SLC2A13: variants seen among roughly 807,000 people sequenced by gnomAD.
SLC2A13 encodes the protein proton myo-inositol cotransporter.
Under a neutral mutation model 64.4 loss-of-function variants are expected in SLC2A13, and 32 were observed. That is an observed-to-expected ratio of 0.50 (90% CI 0.37 to 0.67). The LOEUF is 0.67. Among genes scored for constraint, SLC2A13 ranks in the 30% least tolerant of loss-of-function variants. SLC2A13 has a pLI of 0.00. For synonymous variants in SLC2A13, 338 were observed against 327.1 expected (o/e 1.03, Z -0.36); for missense variants, 743 against 829.2 (o/e 0.90, Z 1.28).
intron 8 of SLC2A13, 25 bp downstream of exon 8, chr12:39,764,712 A>G: frequency 6.2e-7 from 1 of 1,606,474 alleles, no homozygotes; most frequent in Non-Finnish European, 8.5e-7. Context: ...AATTAATGCA[A>G]CAGTATAACA....
At chr12:40,010,371 C>T (rs1947507264) in intron 3 of SLC2A13, among the ~76,000 whole-genome samples, 1 of 152,100 alleles carries the variant, frequency 6.6e-6, no homozygotes, top group Non-Finnish European at 1.5e-5. Context: ...GCTGAGGTTA[C>T]ATTTATAAAT....
chr12:39,923,123 T>C (rs1187045068), intron 4 of SLC2A13, among the ~76,000 whole-genome samples: 2 of 152,180 alleles, frequency 1.3e-5, no homozygotes, highest in Non-Finnish European at 2.9e-5. Flanking sequence ...GATAAGCTAG[T>C]CTTATCACTG....
chr12:39,936,932 T>C (rs1205453605), intron 4 of SLC2A13, among the ~76,000 whole-genome samples: 3 of 152,176 alleles, frequency 2.0e-5, no homozygotes, highest in African/African-American at 7.2e-5. Flanking sequence ...TAGGTCTTCT[T>C]TAACATGTAG....
Position 40,105,302 on chromosome 12 carries a change from G to A in SLC2A13, c.507C>T (p.Asn169=). 1 of 1,602,238 alleles carries A rather than the reference G, an allele frequency of 6.2e-7. No homozygotes were observed. The highest frequency in any genetic ancestry group is 8.5e-7 in the Non-Finnish European group (1 of 1,176,162). Residue 169 remains asparagine, a synonymous_variant, in exon 1 of 10, where the codon AAC becomes AAT. Transcript: ENST00000280871. This position sits in a 1 kb window ranked among gnomAD's most constrained non-coding sequence, Gnocchi z 4.2. The part of the protein sequence containing the change: ...TAGSAVLAAA[N]NKETLLAGRL... ...GGCCGGCGAGCAGTGTCTCCTTGTT[G>A]TTGGCCGCAGCCAGCACCGCGGAGC... is the stretch of plus-strand genomic sequence containing the variant.
intron 6 of SLC2A13, 55 bp from the exon 7 acceptor site, chr12:39,830,283 T>C (rs1942815395): frequency 6.3e-7 from 1 of 1,577,310 alleles, no homozygotes; most frequent in Admixed American, 1.8e-5. Flanking sequence ...GTGCTCACCA[T>C]ATACTGGATT....
chr12:40,019,490 T>C (rs961842756), intron 3 of SLC2A13, among the ~76,000 whole-genome samples: 5 of 152,156 alleles, frequency 3.3e-5, no homozygotes, highest in Non-Finnish European at 4.4e-5. Context: ...CTCCTTCACT[T>C]CCTAGCTGTT....
At chr12:39,978,752 G>A (rs574629548) in intron 3 of SLC2A13, among the ~76,000 whole-genome samples, 3 of 152,132 alleles carry the variant, frequency 2.0e-5, no homozygotes, top group Admixed American at 6.5e-5. Context: ...GGGGAGAGGC[G>A]CCCGCCATTG....
At chr12:39,996,481 C>T (rs1420448705) in intron 3 of SLC2A13, among the ~76,000 whole-genome samples, 1 of 152,198 alleles carries the variant, frequency 6.6e-6, no homozygotes, top group African/African-American at 2.4e-5. Flanking sequence ...AATGTTAATC[C>T]CCAAGACAAT....
chr12:39,784,105 C>G (rs1475712822), intron 7 of SLC2A13, among the ~76,000 whole-genome samples: 1 of 152,166 alleles, frequency 6.6e-6, no homozygotes, highest in Non-Finnish European at 1.5e-5. Context: ...ACATTCCATG[C>G]TCATGGATAG....
rs1444936495 is a variant in SLC2A13 at position 39,764,464 on chromosome 12, G to A, written c.1716C>T (p.Tyr572=). Residue 572 remains tyrosine (Y), a synonymous_variant, in exon 9 of 10, where the codon TAC becomes TAT. Transcript: ENST00000280871. The part of the protein sequence containing the change: ...TFLHTAEYLT[Y]YGAFFLYAGF... ...TTAGAAAAAATATTATCTTACCATA[G>A]TATGTAAGATACTCTGCTGTGTGTA... 10 of 1,572,314 alleles carry A rather than the reference G, an allele frequency of 6.4e-6. No homozygotes were observed. The highest frequency in any genetic ancestry group is 8.6e-6 in the Non-Finnish European group (10 of 1,166,070).
At chr12:40,027,137 G>C (rs545304283) in intron 3 of SLC2A13, among the ~76,000 whole-genome samples, 1 of 151,768 alleles carries the variant, frequency 6.6e-6, no homozygotes, top group South Asian at 2.1e-4. Context: ...AATTTAGACA[G>C]GAGCATAAAA....
chr12:40,014,494 T>C (rs981074810), intron 3 of SLC2A13, among the ~76,000 whole-genome samples: 3 of 152,270 alleles, frequency 2.0e-5, no homozygotes, highest in Admixed American at 2.0e-4. Context: ...ATATTCATTT[T>C]TTTTTCTTTT....
chr12:39,891,640 G>C (rs1944611633), intron 4 of SLC2A13, among the ~76,000 whole-genome samples: 1 of 152,108 alleles, frequency 6.6e-6, no homozygotes, highest in Non-Finnish European at 1.5e-5. Context: ...TATTACTGCT[G>C]ACAATCCTTA....
intron 7 of SLC2A13, among the ~76,000 whole-genome samples, chr12:39,766,618 T>C (rs1196057642): frequency 6.6e-6 from 1 of 152,024 alleles, no homozygotes; most frequent in East Asian, 1.9e-4. Context: ...GTAGCATGCA[T>C]TTTACCCAGA....
At chr12:39,791,090 G>A (rs1941385599) in intron 7 of SLC2A13, among the ~76,000 whole-genome samples, 1 of 148,588 alleles carries the variant, frequency 6.7e-6, no homozygotes, top group Admixed American at 6.8e-5. Context: ...TTGTAAATTT[G>A]TTTGAGTTCA....
intron 4 of SLC2A13, among the ~76,000 whole-genome samples, chr12:39,875,425 A>T (rs1944157835): frequency 6.6e-6 from 1 of 152,194 alleles, no homozygotes; most frequent in Non-Finnish European, 1.5e-5. Flanking sequence ...AATCTCCCTA[A>T]TTAAGGTAAA....
chr12:39,806,226 A>T (rs945900011), intron 7 of SLC2A13, among the ~76,000 whole-genome samples: 9 of 152,178 alleles, frequency 5.9e-5, no homozygotes, highest in Non-Finnish European at 1.3e-4. Flanking sequence ...CTTGCCTGGA[A>T]CCTCTAATGC....
chr12:39,797,838 T>A (rs1210843406), intron 7 of SLC2A13, among the ~76,000 whole-genome samples: 1 of 151,648 alleles, frequency 6.6e-6, no homozygotes, highest in Non-Finnish European at 1.5e-5. Flanking sequence ...CATGTAAACA[T>A]AAAAGTTATT....
intron 6 of SLC2A13, among the ~76,000 whole-genome samples, chr12:39,840,417 T>C (rs1421797141): frequency 1.3e-5 from 2 of 152,060 alleles, no homozygotes; most frequent in Admixed American, 6.6e-5. Flanking sequence ...GAGCTTCCCA[T>C]TGCCTATAGG....
Sources: allele counts gnomAD v4.1 joint callset (sites outside exome capture counted in the v4.1 genomes callset), GRCh38; gene constraint gnomAD v4.1.1; non-coding constraint Gnocchi (gnomAD v3.1); transcripts MANE v1.5; gene names NCBI Gene and HGNC (gene_info 2026-07-23, HGNC 2026-07-21).